TSHR: variants seen among roughly 807,000 people sequenced by gnomAD.
The protein encoded by TSHR is thyrotropin receptor.
A neutral mutation model predicts 64.1 loss-of-function variants in TSHR; 51 were observed. The ratio of observed to expected loss-of-function variants is 0.80; its 90% CI spans 0.64 to 1.01. TSHR has a LOEUF of 1.01. Among genes scored for constraint, TSHR ranks in the 50% least tolerant of loss-of-function variants. The pLI is 0.00. For synonymous variants in TSHR, 361 were observed against 361.9 expected (o/e 1.00, Z 0.03); for missense variants, 877 against 942.8 (o/e 0.93, Z 0.91).
rs1314140494 is a variant in TSHR at position 81,013,957 on chromosome 14, G to C, written c.171-48191G>C. 9 of 152,078 alleles carry C rather than the reference G, an allele frequency of 5.9e-5. No individual in the cohort carries two copies. The East Asian group carries it at 1.7e-3, about 29-fold the overall frequency. The allele number at this position is 152,078 out of a possible 1,614,324, so 9.4% of individuals were successfully genotyped here. A position where few individuals can be genotyped will look rare whatever the true frequency, so the allele number is the denominator to read the frequency against. Reference sequence around the variant, plus strand: ...ATTATTTCCACACTTAAAATGATTTGTGGGAAAAAAAAGTGTACTAATCCC... The same window carrying C: ...ATTATTTCCACACTTAAAATGATTTCTGGGAAAAAAAAGTGTACTAATCCC... On this transcript the variant is annotated intron_variant, in intron 1 of 9. Transcript: ENST00000298171.
chr14:81,062,088 G>A (rs1369136687), intron 1 of TSHR, 60 bp from the exon 2 acceptor site: 4 of 1,384,626 alleles, frequency 2.9e-6, no homozygotes, highest in African/African-American at 1.4e-5. Context: ...TATAATTAAG[G>A]TGAATTATTA....
At chr14:80,985,797 C>A (rs557135942) in intron 1 of TSHR, among the ~76,000 whole-genome samples, 1 of 152,282 alleles carries the variant, frequency 6.6e-6, no homozygotes, top group South Asian at 2.1e-4. Flanking sequence ...TCTATAACAA[C>A]AACAACAACA....
At chr14:81,121,961 A>G (rs918709567) in intron 8 of TSHR, among the ~76,000 whole-genome samples, 1 of 142,908 alleles carries the variant, frequency 7.0e-6, no homozygotes, top group Non-Finnish European at 1.5e-5. Flanking sequence ...AAAAGGATTG[A>G]TAGATTATTT....
Position 81,143,135 on chromosome 14 carries a change from A to G in TSHR, c.1077A>G (p.Gln359=), listed in dbSNP as rs762767022. The change falls in exon 10 of 10, where the codon CAA becomes CAG. Residue 359 remains glutamine (Q), a synonymous_variant. Coordinates refer to ENST00000298171, the MANE Select transcript of TSHR (RefSeq NM_000369.5). ...ATTATTACGTCTTCTTTGAAGAACA[A>G]GAGGATGAGATCATTGGTTTTGGCC... ...NAHYYVFFEE[Q]EDEIIGFGQE... The G allele has an allele frequency of 6.2e-7, 1 of 1,614,100 alleles. No homozygotes were observed. Among genetic ancestry groups the G allele is most frequent in the Non-Finnish European group, 8.5e-7 (1 of 1,180,052 alleles).
intron 1 of TSHR, among the ~76,000 whole-genome samples, chr14:80,959,082 C>G (rs1467045382): frequency 1.3e-5 from 2 of 152,114 alleles, no homozygotes; most frequent in South Asian, 2.1e-4. Flanking sequence ...TATCCCAGCC[C>G]CGTGGTCTTA....
chr14:81,047,301 C>T lies in TSHR; in HGVS notation c.171-14847C>T, dbSNP rs575490645. Among the ~76,000 whole-genome samples the T allele has an allele frequency of 7.2e-5, 11 of 152,214 alleles. No homozygotes were observed. In the South Asian group the frequency reaches 2.3e-3, roughly 32 times the overall value. On this transcript the variant is annotated intron_variant, in intron 1 of 9. Coordinates refer to ENST00000298171, the MANE Select transcript of TSHR (RefSeq NM_000369.5). ...AAATTATTTTTTTCCTCATAAACAA[C>T]AGCACAAACAACGGACACCAATACA...
intron 9 of TSHR, among the ~76,000 whole-genome samples, chr14:81,142,173 C>T (rs1891716880): frequency 6.6e-6 from 1 of 152,138 alleles, no homozygotes; most frequent in East Asian, 1.9e-4. Context: ...CTCCACCTCC[C>T]AGGTTTAAGC....
intron 3 of TSHR, among the ~76,000 whole-genome samples, chr14:81,083,455 T>C (rs1566801583): frequency 2.1e-5 from 3 of 144,998 alleles, no homozygotes; most frequent in Non-Finnish European, 4.4e-5. Flanking sequence ...GATGATTTCC[T>C]TGAAACCTCA....
intron 7 of TSHR, among the ~76,000 whole-genome samples, chr14:81,106,265 C>A (rs977577521): frequency 6.6e-6 from 1 of 152,178 alleles, no homozygotes; most frequent in Non-Finnish European, 1.5e-5. Flanking sequence ...AAAATCACTA[C>A]CTCAACAAGA....
At chr14:81,141,359 T>C (rs1285421387) in intron 9 of TSHR, among the ~76,000 whole-genome samples, 1 of 152,224 alleles carries the variant, frequency 6.6e-6, no homozygotes, top group African/African-American at 2.4e-5. Context: ...ATTGGACATT[T>C]TAAGCAGAAC....
At chr14:81,009,192 T>C (rs957235642) in intron 1 of TSHR, among the ~76,000 whole-genome samples, 3 of 152,190 alleles carry the variant, frequency 2.0e-5, no homozygotes, top group Admixed American at 1.3e-4. Context: ...CCTCTTCATT[T>C]GTGGAAAAGG....
intron 1 of TSHR, chr14:81,014,065 C>A (rs904246598): frequency 6.6e-6 from 1 of 152,194 alleles, no homozygotes; most frequent in Non-Finnish European, 1.5e-5. Context: ...CAAATAATCA[C>A]CTCTAAAATA....
At chr14:81,106,237 T>C (rs1889885399) in intron 7 of TSHR, among the ~76,000 whole-genome samples, 1 of 152,246 alleles carries the variant, frequency 6.6e-6, no homozygotes, top group Admixed American at 6.5e-5. Context: ...TTGAGGTGTT[T>C]GTAAACCAGA....
chr14:81,120,035 G>A (rs1427677612), intron 8 of TSHR, among the ~76,000 whole-genome samples: 71 of 107,158 alleles, frequency 6.6e-4, no homozygotes, highest in Non-Finnish European at 1.1e-4. Context: ...GTTGTGGGGT[G>A]GGGGGAGGGG....
At chr14:81,098,080 C>T (rs1889331972) in intron 7 of TSHR, among the ~76,000 whole-genome samples, 1 of 152,150 alleles carries the variant, frequency 6.6e-6, no homozygotes, top group Non-Finnish European at 1.5e-5. Context: ...TTATTAGACA[C>T]TTGCAATGTA....
Position 81,083,193 on chromosome 14 carries a change from C to T in TSHR, c.318-4761C>T, listed in dbSNP as rs749665060. ...GTGCCTGCTGCAATGCTAGTCGTAACGGGAAAGCCAGATGTCCTGTGCTAC... is the reference window on the plus strand; with the variant it reads ...GTGCCTGCTGCAATGCTAGTCGTAATGGGAAAGCCAGATGTCCTGTGCTAC... On this transcript the variant is annotated intron_variant, in intron 3 of 9. Transcript: ENST00000298171. Among the ~76,000 whole-genome samples the T allele has an allele frequency of 6.6e-5, 10 of 152,134 alleles. No homozygotes were observed. In the South Asian group the frequency reaches 1.5e-3, roughly 22 times the overall value.
intron 3 of TSHR, among the ~76,000 whole-genome samples, chr14:81,084,229 C>T (rs375748250): frequency 8.5e-5 from 13 of 152,286 alleles, no homozygotes; most frequent in East Asian, 7.7e-4. Flanking sequence ...AAAAGAGCCT[C>T]GCTCCATAAA....
At chr14:80,988,750 C>A (rs1312383135) in intron 1 of TSHR, among the ~76,000 whole-genome samples, 2 of 152,206 alleles carry the variant, frequency 1.3e-5, no homozygotes, top group South Asian at 2.1e-4. Flanking sequence ...CCTTGAAATT[C>A]TTTCATCCTT....
At chr14:81,026,461 C>T (rs1026611171) in intron 1 of TSHR, among the ~76,000 whole-genome samples, 2 of 151,912 alleles carry the variant, frequency 1.3e-5, no homozygotes, top group Admixed American at 6.6e-5. Context: ...CAAAAATAAC[C>T]CTATTTACAT....
Sources: gnomAD v4.1 joint callset for allele counts (sites outside exome capture counted in the v4.1 genomes callset) on GRCh38, gnomAD v4.1.1 for gene constraint, MANE v1.5 for transcripts, NCBI Gene and HGNC (gene_info 2026-07-23, HGNC 2026-07-21) for gene names.